FMNL2: variants seen among roughly 807,000 people sequenced by gnomAD.
FMNL2 encodes formin-like protein 2.
FMNL2 carries 51 observed loss-of-function variants against 130.2 expected under a neutral mutation model. The observed-to-expected ratio is 0.39, with a 90% CI of 0.31 to 0.49. The LOEUF is 0.49. Ranked by LOEUF, FMNL2 falls within the 20% of genes least tolerant of loss-of-function variation. The pLI is 0.85. For missense variants in FMNL2, 977 were observed against 1,316.2 expected (o/e 0.74, Z 3.99); for synonymous variants, 465 against 467.1 (o/e 1.00, Z 0.06).
chr2:152,590,058 T>A (rs1697347654), intron 9 of FMNL2, among the ~76,000 whole-genome samples: 1 of 146,918 alleles, frequency 6.8e-6, no homozygotes, highest in East Asian at 2.0e-4. Flanking sequence ...TATATATATA[T>A]AATTTCTTGT....
chr2:152,473,311 C>G (rs1369146265), intron 1 of FMNL2, among the ~76,000 whole-genome samples: 1 of 152,060 alleles, frequency 6.6e-6, no homozygotes, highest in Non-Finnish European at 1.5e-5. Flanking sequence ...TCAAGCCATT[C>G]TCCCACCCCA....
intron 1 of FMNL2, among the ~76,000 whole-genome samples, chr2:152,372,123 G>T (rs1202168613): frequency 1.3e-5 from 2 of 152,194 alleles, no homozygotes; most frequent in Non-Finnish European, 2.9e-5. Flanking sequence ...TTGGTGGGGA[G>T]AAATCATACA....
intron 4 of FMNL2, among the ~76,000 whole-genome samples, chr2:152,550,407 A>G (rs534879918): frequency 1.3e-5 from 2 of 152,362 alleles, no homozygotes; most frequent in South Asian, 4.1e-4. Context: ...TGGGCTATAG[A>G]ACAAAGAATC....
intron 1 of FMNL2, chr2:152,390,386 TA>T: frequency 2.8e-6 from 3 of 1,067,746 alleles, no homozygotes; most frequent in Non-Finnish European, 4.4e-6. Context: ...AGAAGATCAA[TA>T]AGATGGAGTG....
At chr2:152,487,882 G>C (rs919442333) in intron 1 of FMNL2, among the ~76,000 whole-genome samples, 5 of 151,908 alleles carry the variant, frequency 3.3e-5, no homozygotes, top group African/African-American at 1.2e-4. Flanking sequence ...CCATCTCCTG[G>C]GTTCAAGTGA....
chr2:152,411,524 C>T (rs969789326), intron 1 of FMNL2, among the ~76,000 whole-genome samples: 2 of 152,186 alleles, frequency 1.3e-5, no homozygotes, highest in Admixed American at 6.5e-5. Flanking sequence ...ATCCACTCCT[C>T]CCATCTCCTT....
chr2:152,578,258 G>A (rs1401941270), intron 7 of FMNL2, among the ~76,000 whole-genome samples: 1 of 152,132 alleles, frequency 6.6e-6, no homozygotes, highest in African/African-American at 2.4e-5. Context: ...GAATTTTGTG[G>A]GGTGTGAGGG....
chr2:152,547,845 A>G (rs962577200), intron 3 of FMNL2, among the ~76,000 whole-genome samples: 10 of 152,216 alleles, frequency 6.6e-5, no homozygotes, highest in Admixed American at 5.2e-4. Flanking sequence ...TCAGGTTCGT[A>G]GCACAGATAG....
chr2:152,416,224 T>G (rs909374877), intron 1 of FMNL2, among the ~76,000 whole-genome samples: 2 of 152,184 alleles, frequency 1.3e-5, no homozygotes, highest in Non-Finnish European at 2.9e-5. Context: ...TCTTCTCATC[T>G]TACCAGGATG....
At chr2:152,569,513 A>C (rs560008980) in intron 6 of FMNL2, among the ~76,000 whole-genome samples, 1 of 151,892 alleles carries the variant, frequency 6.6e-6, no homozygotes, top group Non-Finnish European at 1.5e-5. Context: ...TTCTGTGTAG[A>C]TTTCTTAAAA....
At chr2:152,603,784 G>A (rs548194112) in intron 9 of FMNL2, among the ~76,000 whole-genome samples, 1 of 151,010 alleles carries the variant, frequency 6.6e-6, no homozygotes, top group East Asian at 2.0e-4. Flanking sequence ...GTCCATTCCT[G>A]CGGCATTCCT....
intron 1 of FMNL2, among the ~76,000 whole-genome samples, chr2:152,483,881 GA>G (rs958360477): frequency 1.2e-4 from 19 of 152,146 alleles, no homozygotes; most frequent in African/African-American, 3.1e-4. Context: ...TGGAGAGGGG[GA>G]AAAAAACCCA....
chr2:152,547,222 C>T (rs1694695292), intron 3 of FMNL2, among the ~76,000 whole-genome samples: 1 of 152,140 alleles, frequency 6.6e-6, no homozygotes, highest in Non-Finnish European at 1.5e-5. Flanking sequence ...GGATTACAGG[C>T]GTGAGCCACT....
At chr2:152,595,476 G>A (rs894983718) in intron 9 of FMNL2, among the ~76,000 whole-genome samples, 6 of 151,970 alleles carry the variant, frequency 3.9e-5, no homozygotes, top group African/African-American at 9.7e-5. Flanking sequence ...ACGCCACCAC[G>A]CCCAGCTAAT....
chr2:152,535,578 G>GT (rs1254785893), intron 2 of FMNL2, among the ~76,000 whole-genome samples: 1 of 152,174 alleles, frequency 6.6e-6, no homozygotes, highest in Non-Finnish European at 1.5e-5. Flanking sequence ...TTCTGGATAG[G>GT]TGAAAGAGTA....
intron 6 of FMNL2, among the ~76,000 whole-genome samples, chr2:152,571,562 A>G (rs1295605587): frequency 6.6e-6 from 1 of 152,242 alleles, no homozygotes; most frequent in East Asian, 1.9e-4. Flanking sequence ...AACAGAACAC[A>G]TGCCAAGGGT....
intron 9 of FMNL2, among the ~76,000 whole-genome samples, chr2:152,585,824 T>C (rs939963769): frequency 6.6e-6 from 1 of 152,040 alleles, no homozygotes; most frequent in African/African-American, 2.4e-5. Context: ...TAGCTCTTGC[T>C]CTCAACTTTT....
intron 9 of FMNL2, among the ~76,000 whole-genome samples, chr2:152,597,700 T>A (rs1312528583): frequency 6.6e-6 from 1 of 152,206 alleles, no homozygotes; most frequent in Non-Finnish European, 1.5e-5. Context: ...ATCTTAGTAG[T>A]ATTATACAAA....
At chr2:152,448,033 T>C (rs1279646357) in intron 1 of FMNL2, among the ~76,000 whole-genome samples, 2 of 152,166 alleles carry the variant, frequency 1.3e-5, no homozygotes, top group African/African-American at 4.8e-5. Context: ...GGCATCTTCA[T>C]TGATGTATTA....
Sources: allele counts gnomAD v4.1 joint callset (sites outside exome capture counted in the v4.1 genomes callset), GRCh38; gene constraint gnomAD v4.1.1; transcripts MANE v1.5; gene names NCBI Gene and HGNC (gene_info 2026-07-23, HGNC 2026-07-21).